RASAL2: variants seen among roughly 807,000 people sequenced by gnomAD.
RASAL2 encodes the protein ras GTPase-activating protein nGAP.
In RASAL2, 58 loss-of-function variants were observed where a neutral mutation model predicts 128.9. The observed-to-expected ratio is 0.45, with a 90% confidence interval of 0.36 to 0.56. The LOEUF (loss-of-function observed/expected upper bound fraction) is 0.56, where lower values mean the gene tolerates loss of function less well. RASAL2 is among the 20% of genes least tolerant of loss of function. The probability of loss-of-function intolerance (pLI) is 0.00; values close to 1 mark genes in which losing one functional copy is unlikely to be tolerated. For synonymous variants in RASAL2, 561 were observed against 580.8 expected (o/e 0.97, Z 0.49); for missense variants, 1,360 against 1,601.6 (o/e 0.85, Z 2.57).
chr1:178,293,327 A>G, intron 2 of RASAL2, among the ~76,000 whole-genome samples: 1 of 152,238 alleles, frequency 6.6e-6, no homozygotes, highest in East Asian at 1.9e-4. Flanking sequence ...TGCCACTGGC[A>G]ATGGGGAATT....
At chr1:178,269,887 A>G (rs1309488791) in intron 1 of RASAL2, among the ~76,000 whole-genome samples, 1 of 152,332 alleles carries the variant, frequency 6.6e-6, no homozygotes, top group Middle Eastern at 3.4e-3. Flanking sequence ...GTGAGATCCA[A>G]GAACCCTCTC....
chr1:178,366,914 G>T (rs769045824), intron 3 of RASAL2, among the ~76,000 whole-genome samples: 2 of 152,082 alleles, frequency 1.3e-5, no homozygotes, highest in Non-Finnish European at 2.9e-5. Flanking sequence ...AGGGGATTAG[G>T]GGCTGGGGAG....
At chr1:178,222,340 C>T (rs7513104) in intron 1 of RASAL2, among the ~76,000 whole-genome samples, 2,995 of 152,122 alleles carry the variant, frequency 0.02, 88 homozygotes, top group African/African-American at 0.065. Flanking sequence ...CCATTTTCTA[C>T]ATTTTCTGGT....
chr1:178,250,588 T>G (rs796965357), intron 1 of RASAL2, among the ~76,000 whole-genome samples: 10 of 152,312 alleles, frequency 6.6e-5, no homozygotes, highest in African/African-American at 2.4e-4. Flanking sequence ...TAAACAGTGC[T>G]GTCTTGCTGG....
intron 3 of RASAL2, among the ~76,000 whole-genome samples, chr1:178,360,510 C>T (rs771759557): frequency 3.3e-5 from 5 of 152,138 alleles, no homozygotes; most frequent in Non-Finnish European, 4.4e-5. Flanking sequence ...CCAGCATCCA[C>T]GATATAGACC....
chr1:178,466,357 TG>T (rs1647695027), intron 16 of RASAL2, among the ~76,000 whole-genome samples: 1 of 152,216 alleles, frequency 6.6e-6, no homozygotes, highest in Non-Finnish European at 1.5e-5. Flanking sequence ...TAAAACTTGG[TG>T]GTTTACTTGA....
intron 1 of RASAL2, among the ~76,000 whole-genome samples, chr1:178,121,505 T>G (rs549040367): frequency 4.1e-4 from 63 of 152,096 alleles, no homozygotes; most frequent in African/African-American, 1.0e-3. Flanking sequence ...TTTTTTTTTT[T>G]GGGATGGAGT....
At chr1:178,188,640 A>G (rs1169728818) in intron 1 of RASAL2, among the ~76,000 whole-genome samples, 2 of 152,144 alleles carry the variant, frequency 1.3e-5, no homozygotes, top group African/African-American at 2.4e-5. Flanking sequence ...TTCCTCTCAA[A>G]AGCATGTTCA....
chr1:178,400,130 T>G (rs541483428), intron 4 of RASAL2, among the ~76,000 whole-genome samples: 1 of 152,352 alleles, frequency 6.6e-6, no homozygotes, highest in South Asian at 2.1e-4. Flanking sequence ...TGAGTTGAAC[T>G]TGTGTTACAG....
intron 3 of RASAL2, among the ~76,000 whole-genome samples, chr1:178,374,303 A>T (rs180744186): frequency 6.6e-6 from 1 of 152,270 alleles, no homozygotes; most frequent in African/African-American, 2.4e-5. Flanking sequence ...TTTCCCAATG[A>T]AGATGCCAAG....
chr1:178,239,853 A>C (rs1390998517), intron 1 of RASAL2, among the ~76,000 whole-genome samples: 1 of 151,998 alleles, frequency 6.6e-6, no homozygotes, highest in African/African-American at 2.4e-5. Context: ...ATGGTTCTTA[A>C]AGCTTGAGCT....
chr1:178,177,230 A>G (rs527685399), intron 1 of RASAL2, among the ~76,000 whole-genome samples: 137 of 152,338 alleles, frequency 9.0e-4, no homozygotes, highest in Middle Eastern at 3.4e-3. Context: ...TGTAGGTTTC[A>G]GTATGATCTT....
intron 1 of RASAL2, among the ~76,000 whole-genome samples, chr1:178,150,273 C>A (rs1571548564): frequency 6.6e-6 from 1 of 152,252 alleles, no homozygotes; most frequent in African/African-American, 2.4e-5. Context: ...CGGTGCACCG[C>A]AACCTCCACC....
At chr1:178,372,251 T>C in intron 3 of RASAL2, 1 of 985,366 alleles carries the variant, frequency 1.0e-6, no homozygotes, top group Non-Finnish European at 1.2e-6. Context: ...ATGAGTCTCC[T>C]TTCCCCCGGT....
At chr1:178,288,903 G>A (rs1285513720) in intron 2 of RASAL2, among the ~76,000 whole-genome samples, 2 of 151,616 alleles carry the variant, frequency 1.3e-5, no homozygotes, top group Non-Finnish European at 2.9e-5. Context: ...CACCCGCCTC[G>A]GCCTCCCAAA....
At chr1:178,424,817 TA>T (rs1675416332) in intron 5 of RASAL2, among the ~76,000 whole-genome samples, 2 of 152,182 alleles carry the variant, frequency 1.3e-5, no homozygotes, top group Admixed American at 6.6e-5. Context: ...CACTTTAAGA[TA>T]GCAGAAAAAC....
intron 1 of RASAL2, among the ~76,000 whole-genome samples, chr1:178,125,067 G>T (rs1659847449): frequency 6.6e-6 from 1 of 152,132 alleles, no homozygotes; most frequent in South Asian, 2.1e-4. Flanking sequence ...TATCCTGGGA[G>T]AATTATTGCC....
chr1:178,311,290 T>TCACACACACACACACACACACA (rs1379355184), intron 3 of RASAL2, among the ~76,000 whole-genome samples: 1 of 76,944 alleles, frequency 1.3e-5, no homozygotes, highest in Non-Finnish European at 2.8e-5. Flanking sequence ...ACACACACAT[T>TCACACACACACACACACACACA]GAAAGCTGAA....
intron 1 of RASAL2, among the ~76,000 whole-genome samples, chr1:178,129,426 A>G (rs1380910736): frequency 6.6e-6 from 1 of 152,108 alleles, no homozygotes; most frequent in African/African-American, 2.4e-5. Context: ...TGTTTTGTCC[A>G]TTTTAAAATT....
Sources: allele counts gnomAD v4.1 joint callset (sites outside exome capture counted in the v4.1 genomes callset), GRCh38; gene constraint gnomAD v4.1.1; transcripts MANE v1.5; gene names NCBI Gene and HGNC (gene_info 2026-07-23, HGNC 2026-07-21).